The following INPP4B variants were observed in gnomAD, a reference collection of about 807,000 sequenced individuals.
INPP4B encodes the protein inositol polyphosphate-4-phosphatase type II B, also known as inositol polyphosphate 4-phosphatase type II.
A neutral mutation model predicts 122.5 loss-of-function variants in INPP4B; 55 were observed. The ratio of observed to expected loss-of-function variants is 0.45; its 90% CI spans 0.36 to 0.56. The LOEUF is 0.56. INPP4B is among the 20% of genes least tolerant of loss of function. INPP4B has a pLI of 0.00. For synonymous variants in INPP4B, 403 were observed against 388.7 expected, an observed-to-expected ratio of 1.04 and a Z score of -0.43; for missense variants, 1,000 against 1,097.7, an observed-to-expected ratio of 0.91 and a Z score of 1.26.
chr4:142,685,433 T>C (rs1372314362), intron 2 of INPP4B, among the ~76,000 whole-genome samples: 1 of 152,146 alleles, frequency 6.6e-6, no homozygotes, highest in Non-Finnish European at 1.5e-5. Flanking sequence ...AATATTTTAG[T>C]GACTTCCATG....
chr4:142,089,879 G>A (rs1778673898), intron 23 of INPP4B, among the ~76,000 whole-genome samples: 1 of 152,128 alleles, frequency 6.6e-6, no homozygotes, highest in East Asian at 1.9e-4. Context: ...CAAAGTGACT[G>A]GGACTGAAGT....
chr4:142,662,847 T>C (rs1351276471), intron 2 of INPP4B, among the ~76,000 whole-genome samples: 1 of 152,222 alleles, frequency 6.6e-6, no homozygotes, highest in East Asian at 1.9e-4. Flanking sequence ...ATTTGACATA[T>C]TGGAGTTTTT....
intron 2 of INPP4B, among the ~76,000 whole-genome samples, chr4:142,641,659 C>A (rs1049730642): frequency 6.6e-6 from 1 of 152,100 alleles, no homozygotes; most frequent in Non-Finnish European, 1.5e-5. Context: ...TTTCTTAATC[C>A]AGTCTATCAT....
At chr4:142,136,185 G>T (rs572243294) in intron 18 of INPP4B, among the ~76,000 whole-genome samples, 4 of 152,210 alleles carry the variant, frequency 2.6e-5, no homozygotes, top group Admixed American at 2.6e-4. Flanking sequence ...GCCTCACCCT[G>T]GCTCTTCGGC....
chr4:142,191,429 G>C (rs1835782148), intron 15 of INPP4B, among the ~76,000 whole-genome samples: 1 of 152,126 alleles, frequency 6.6e-6, no homozygotes, highest in South Asian at 2.1e-4. Flanking sequence ...GTACAGTAGG[G>C]AATCAGTGAG....
intron 1 of INPP4B, among the ~76,000 whole-genome samples, chr4:142,749,227 A>G (rs1769263797): frequency 6.8e-6 from 1 of 147,172 alleles, no homozygotes; most frequent in Admixed American, 6.9e-5. Flanking sequence ...GCATATATAT[A>G]ATATATAATA....
chr4:142,492,282 G>A (rs527902786), intron 2 of INPP4B, among the ~76,000 whole-genome samples: 2 of 152,154 alleles, frequency 1.3e-5, no homozygotes, highest in African/African-American at 2.4e-5. Flanking sequence ...AGCAGTGTGA[G>A]ATTGGTACCA....
At chr4:142,751,027 G>A (rs1029387400) in intron 1 of INPP4B, among the ~76,000 whole-genome samples, 3 of 151,986 alleles carry the variant, frequency 2.0e-5, no homozygotes, top group African/African-American at 4.8e-5. Flanking sequence ...AGTTATTGTA[G>A]AAAGACCTAA....
intron 11 of INPP4B, among the ~76,000 whole-genome samples, chr4:142,248,336 CTTT>C (rs34309443): frequency 9.4e-6 from 1 of 106,384 alleles, no homozygotes; most frequent in African/African-American, 3.8e-5. Context: ...CTCTCTCTCT[CTTT>C]TTTTTTTTTT....
At chr4:142,728,608 G>A (rs553071621) in intron 1 of INPP4B, among the ~76,000 whole-genome samples, 1 of 152,282 alleles carries the variant, frequency 6.6e-6, no homozygotes, top group South Asian at 2.1e-4. Flanking sequence ...AGAAAGCCAT[G>A]TGAACACAAA....
intron 2 of INPP4B, among the ~76,000 whole-genome samples, chr4:142,524,216 C>G (rs1024172251): frequency 4.3e-4 from 66 of 152,080 alleles, no homozygotes; most frequent in African/African-American, 1.5e-3. Flanking sequence ...AGTTCTAGAT[C>G]CTGAGGAATC....
intron 2 of INPP4B, among the ~76,000 whole-genome samples, chr4:142,630,142 A>G (rs1747613211): frequency 6.6e-6 from 1 of 152,252 alleles, no homozygotes; most frequent in South Asian, 2.1e-4. Context: ...AAGCTTGTCC[A>G]AAGTAGGGTA....
At chr4:142,257,824 A>C (rs1001605213) in intron 11 of INPP4B, among the ~76,000 whole-genome samples, 3 of 151,670 alleles carry the variant, frequency 2.0e-5, no homozygotes, top group South Asian at 2.1e-4. Context: ...GCTACAAATG[A>C]CTTTCTTCAC....
At chr4:142,140,957 C>T (rs1212982093) in intron 18 of INPP4B, among the ~76,000 whole-genome samples, 7 of 152,228 alleles carry the variant, frequency 4.6e-5, no homozygotes, top group East Asian at 1.9e-4. Context: ...GTATTTGTAT[C>T]GCTGCGCTTA....
At chr4:142,360,161 C>G (rs1388823178) in intron 7 of INPP4B, among the ~76,000 whole-genome samples, 1 of 151,880 alleles carries the variant, frequency 6.6e-6, no homozygotes, top group Non-Finnish European at 1.5e-5. Context: ...ATTCTGTTAA[C>G]ATTTCTATGA....
intron 24 of INPP4B, among the ~76,000 whole-genome samples, chr4:142,084,597 A>C (rs867614756): frequency 6.6e-6 from 1 of 152,202 alleles, no homozygotes; most frequent in African/African-American, 2.4e-5. Context: ...TGATTTACAA[A>C]TAGAATATTG....
intron 2 of INPP4B, among the ~76,000 whole-genome samples, chr4:142,522,686 C>T (rs1826256753): frequency 6.6e-6 from 1 of 151,932 alleles, no homozygotes; most frequent in Admixed American, 6.6e-5. Flanking sequence ...AAGTGGTGGC[C>T]TCAGGTGGCA....
intron 2 of INPP4B, among the ~76,000 whole-genome samples, chr4:142,553,703 C>T (rs1728493012): frequency 2.0e-5 from 3 of 152,190 alleles, no homozygotes; most frequent in Admixed American, 2.0e-4. Flanking sequence ...TGCTGTTCTT[C>T]CCTTCTCAGT....
intron 2 of INPP4B, among the ~76,000 whole-genome samples, chr4:142,642,425 A>T (rs1422627596): frequency 6.6e-6 from 1 of 152,128 alleles, no homozygotes; most frequent in Non-Finnish European, 1.5e-5. Flanking sequence ...CCTTTAATCC[A>T]TCTTGAATTA....
Sources: allele counts gnomAD v4.1 joint callset (sites outside exome capture counted in the v4.1 genomes callset), GRCh38; gene constraint gnomAD v4.1.1; transcripts MANE v1.5; gene names NCBI Gene and HGNC (gene_info 2026-07-23, HGNC 2026-07-21).